OTOGL: variants seen among roughly 807,000 people sequenced by gnomAD.
OTOGL encodes otogelin-like protein.
Under a neutral mutation model 318.5 loss-of-function variants are expected in OTOGL, and 285 were observed. The observed-to-expected ratio is 0.89, with a 90% CI of 0.81 to 0.99. The LOEUF (loss-of-function observed/expected upper bound fraction) is 0.99, where lower values mean the gene tolerates loss of function less well. OTOGL is among the 50% of genes least tolerant of loss of function. The pLI, the probability that OTOGL is intolerant of heterozygous loss-of-function variation, is 0.00. For missense variants in OTOGL, 2,899 were observed against 2,845.6 expected, an observed-to-expected ratio of 1.02 and a Z score of -0.43; for synonymous variants, 987 against 936.5, an observed-to-expected ratio of 1.05 and a Z score of -0.99.
intron 1 of OTOGL, among the ~76,000 whole-genome samples, chr12:80,191,869 A>C (rs1875721498): frequency 6.6e-6 from 1 of 152,228 alleles, no homozygotes; most frequent in South Asian, 2.1e-4. Flanking sequence ...TACCAGCTTT[A>C]CATACTGTGG....
chr12:80,246,222 A>C (rs1330366200), intron 11 of OTOGL, among the ~76,000 whole-genome samples: 1 of 145,674 alleles, frequency 6.9e-6, no homozygotes, highest in Non-Finnish European at 1.5e-5. Context: ...GGTGAGAGAG[A>C]GCATCCCTGT....
chr12:80,313,216 ATC>A (rs1321668560), intron 30 of OTOGL, among the ~76,000 whole-genome samples: 1 of 152,088 alleles, frequency 6.6e-6, no homozygotes, highest in Non-Finnish European at 1.5e-5. Context: ...CCAAAAATTA[ATC>A]TGTTATATTG....
chr12:80,372,028 A>T lies in OTOGL; in HGVS notation c.6745A>T (p.Ile2249Phe). 6.4e-7 allele frequency: 1 copy of T among 1,553,024 alleles called. No individual in the cohort carries two copies. Among genetic ancestry groups the T allele is most frequent in the Non-Finnish European group, 8.7e-7 (1 of 1,146,386 alleles). The change falls in exon 57 of 59, where the codon ATT becomes TTT. Residue 2249 changes from isoleucine (I) to phenylalanine (F), a missense_variant. By Grantham distance (21) the Ile-to-Phe change is conservative. This residue lies in a region of OTOGL where 289 missense variants were observed against 304.6 expected (regional missense o/e 0.95). Transcript: ENST00000547103. ...TTTTTTCTCTTTCTAGAATGAAGGG[A>T]TTGTGAAGCTTTATAATGAAGGCTG... is the stretch of plus-strand genomic sequence containing the variant. ...NETECKMNEGIVKLYNEGCCK... is the reference protein window; with the variant it reads ...NETECKMNEGFVKLYNEGCCK...
At chr12:80,254,878 T>A (rs1881892138) in intron 15 of OTOGL, among the ~76,000 whole-genome samples, 162 bp from the exon 16 acceptor site, 1 of 152,046 alleles carries the variant, frequency 6.6e-6, no homozygotes, top group African/African-American at 2.4e-5. Context: ...AACCAGTAAA[T>A]TTTAAATACA....
chr12:80,104,596 G>A (rs544508221), intron 1 of OTOGL, among the ~76,000 whole-genome samples: 1 of 152,238 alleles, frequency 6.6e-6, no homozygotes, highest in Admixed American at 6.5e-5. Flanking sequence ...GGCATACGTT[G>A]GAGGGGTGAG....
intron 42 of OTOGL, among the ~76,000 whole-genome samples, chr12:80,337,471 T>C (rs898424837): frequency 9.9e-5 from 15 of 151,956 alleles, no homozygotes; most frequent in Admixed American, 6.6e-4. Flanking sequence ...ATAGCTAACA[T>C]AAGAAAAATA....
intron 6 of OTOGL, among the ~76,000 whole-genome samples, chr12:80,221,426 T>C (rs955882451): frequency 6.6e-6 from 1 of 151,924 alleles, no homozygotes; most frequent in African/African-American, 2.4e-5. Flanking sequence ...CACCCCACCA[T>C]GCTGGCTAAT....
At chr12:80,201,105 A>G (rs1876421774) in intron 1 of OTOGL, among the ~76,000 whole-genome samples, 2 of 152,226 alleles carry the variant, frequency 1.3e-5, no homozygotes, top group South Asian at 2.1e-4. Context: ...GCCCTTAGGC[A>G]TAACCTATGG....
At chr12:80,127,549 T>G (rs949867038) in intron 1 of OTOGL, among the ~76,000 whole-genome samples, 1 of 152,196 alleles carries the variant, frequency 6.6e-6, no homozygotes. Context: ...AGTATCTTTG[T>G]GGCATTCTCT....
intron 1 of OTOGL, among the ~76,000 whole-genome samples, chr12:80,173,078 C>T (rs559450980): frequency 1.3e-5 from 2 of 152,188 alleles, no homozygotes; most frequent in East Asian, 3.9e-4. Context: ...GGAACATGTA[C>T]CCCTGAACTT....
rs555744900 is a variant in OTOGL, at chr12:80,320,608, G to C, written c.3989G>C (p.Gly1330Ala). ...YSAFELYSKK[G>A]FFIIFTDSSV... ...GCATTTGAGTTATACAGCAAGAAAG[G>C]CTTTTTCATCATATTCACAGATTCT... Residue 1330 changes from glycine to alanine, a missense_variant, in exon 34 of 59, where the codon GGC (glycine) becomes GCC (alanine). Gly to Ala is a moderately conservative substitution (Grantham distance 60). Around this residue, in one of 3 missense-constraint regions of OTOGL, gnomAD observed 2,607 missense variants for 2,524.9 expected, o/e 1.03. Coordinates refer to ENST00000547103, the MANE Select transcript of OTOGL (RefSeq NM_001378609.3). The C allele has an allele frequency of 1.2e-4, 195 of 1,612,128 alleles. 3 individuals carry two copies. In the South Asian group the frequency reaches 1.9e-3, roughly 16 times the overall value.
intron 18 of OTOGL, among the ~76,000 whole-genome samples, chr12:80,259,570 C>T (rs925360587): frequency 6.6e-6 from 1 of 151,878 alleles, no homozygotes; most frequent in Non-Finnish European, 1.5e-5. Flanking sequence ...GTGTGATACT[C>T]CCCTCTCTGT....
At chr12:80,238,779 C>T in intron 9 of OTOGL, 72 bp from the exon 10 acceptor site, 1 of 1,327,492 alleles carries the variant, frequency 7.5e-7, no homozygotes, top group Non-Finnish European at 9.7e-7. Context: ...GTTGAAGAAC[C>T]ATGTCTGTTT....
chr12:80,181,612 A>G (rs550013578), intron 1 of OTOGL, among the ~76,000 whole-genome samples: 3 of 152,066 alleles, frequency 2.0e-5, no homozygotes, highest in Non-Finnish European at 4.4e-5. Flanking sequence ...TGTTTTCTAC[A>G]TAACCCTGAG....
At chr12:80,257,248 G>A (rs928162333) in intron 17 of OTOGL, among the ~76,000 whole-genome samples, 2 of 151,830 alleles carry the variant, frequency 1.3e-5, no homozygotes, top group African/African-American at 4.8e-5. Context: ...TGTACAAAGA[G>A]GGCAATCTCA....
In OTOGL at chr12:80,380,830, T is replaced by G. The variant is rs1566029463; in HGVS notation, c.*2782T>G. 6.6e-6 allele frequency: 1 copy of G among 152,126 alleles called. No individual in the cohort carries two copies. Among genetic ancestry groups the G allele is most frequent in the Non-Finnish European group, 1.5e-5 (1 of 67,980 alleles). The allele number at this position is 152,126 out of a possible 1,614,324, so 9.4% of individuals were successfully genotyped here. ...TTGTGAAGGTTATTAATTGCAGCAT[T>G]GTTTGTAATAGAAAAAAACCAACAA... On this transcript the variant is annotated 3_prime_UTR_variant, in exon 59 of 59. Coordinates refer to ENST00000547103, the MANE Select transcript of OTOGL (RefSeq NM_001378609.3).
chr12:80,229,234 C>A (rs536740667), intron 7 of OTOGL, 23 bp from the exon 8 acceptor site: 28 of 1,589,970 alleles, frequency 1.8e-5, no homozygotes, highest in Non-Finnish European at 2.3e-5. Flanking sequence ...CCTATGCTTT[C>A]TTTTTGTTTT....
chr12:80,102,500 C>T (rs187080233), intron 1 of OTOGL, among the ~76,000 whole-genome samples: 21 of 152,248 alleles, frequency 1.4e-4, no homozygotes, highest in South Asian at 1.0e-3. Flanking sequence ...TACCAAGTCC[C>T]GTTGATTTTA....
At chr12:80,110,415 C>T (rs1465938837) in intron 1 of OTOGL, among the ~76,000 whole-genome samples, 2 of 152,204 alleles carry the variant, frequency 1.3e-5, no homozygotes, top group East Asian at 1.9e-4. Context: ...CTCCCCATCA[C>T]CTGAAAGGCC....
Sources: gnomAD v4.1 joint callset for allele counts (sites outside exome capture counted in the v4.1 genomes callset) on GRCh38, gnomAD v4.1.1 for gene constraint, gnomAD v4.1.1 regional missense constraint, MANE v1.5 for transcripts, NCBI Gene and HGNC (gene_info 2026-07-23, HGNC 2026-07-21) for gene names.